The following RPN2 variants were observed in gnomAD, a reference collection of about 807,000 sequenced individuals.
RPN2 encodes ribophorin II.
In RPN2, 29 loss-of-function variants were observed where a neutral mutation model predicts 71.4. That is an observed-to-expected ratio of 0.41 (90% confidence interval 0.30 to 0.55). The LOEUF is 0.55. Among genes scored for constraint, RPN2 ranks in the 20% least tolerant of loss-of-function variants. The pLI is 0.35. For missense variants in RPN2, 726 were observed against 774.1 expected (o/e 0.94, Z 0.74); for synonymous variants, 308 against 305.0 (o/e 1.01, Z -0.10).
At chr20:37,237,971 C>T (rs1478746062) in intron 16 of RPN2, among the ~76,000 whole-genome samples, 4 of 152,124 alleles carry the variant, frequency 2.6e-5, no homozygotes, top group Non-Finnish European at 4.4e-5. Context: ...GCGGGAGGAT[C>T]GCTTGAGCTC....
rs186505977 is a variant in RPN2, at chr20:37,233,589, G to A, written c.1678-431G>A. 1.2e-4 allele frequency among the ~76,000 whole-genome samples: 18 copies of A among 152,288 alleles called. No homozygotes were observed. In the East Asian group the frequency reaches 3.5e-3, roughly 29 times the overall value. On this transcript the variant is annotated intron_variant, in intron 14 of 16. Transcript: ENST00000237530. ...ACCTGTCCTTACATTTCAGTGATGA[G>A]AATTTCAAATGACATGGAACCCACG...
At position 37,198,655 on chromosome 20, in the gene RPN2, A is replaced by T. The variant is rs1055961936; in HGVS notation, c.303+163A>T. On this transcript the variant is annotated intron_variant, in intron 3 of 16. Transcript: ENST00000237530. Reference sequence around the variant, plus strand: ...TTTTTTCCTTAAGAAAGTATAGTTTATGTTTCTCCTAAGTTTTTACTTTTC... The same window carrying T: ...TTTTTTCCTTAAGAAAGTATAGTTTTTGTTTCTCCTAAGTTTTTACTTTTC... Among the ~76,000 whole-genome samples, 54 of 149,010 alleles carry T rather than the reference A, an allele frequency of 3.6e-4. 1 individual carries two copies. The highest frequency in any genetic ancestry group is 6.7e-5 in the Admixed American group (1 of 14,902).
intron 10 of RPN2, among the ~76,000 whole-genome samples, chr20:37,224,904 T>C (rs1481515915): frequency 6.6e-6 from 1 of 152,238 alleles, no homozygotes; most frequent in African/African-American, 2.4e-5. Context: ...ATATTGGAGA[T>C]AAGAGCACTG....
chr20:37,188,388 T>G (rs900275321), intron 2 of RPN2, among the ~76,000 whole-genome samples: 1 of 151,744 alleles, frequency 6.6e-6, no homozygotes, highest in Non-Finnish European at 1.5e-5. Context: ...CTCCTGACCT[T>G]GTGATCTGCC....
intron 1 of RPN2, among the ~76,000 whole-genome samples, chr20:37,183,471 G>A (rs986457728): frequency 3.9e-5 from 6 of 152,176 alleles, no homozygotes; most frequent in African/African-American, 7.2e-5. Flanking sequence ...ACCTGCCTCG[G>A]CCTCCCAAAG....
chr20:37,198,868 A>C (rs2067315493), intron 3 of RPN2, among the ~76,000 whole-genome samples, 182 bp from the exon 4 acceptor site: 1 of 152,156 alleles, frequency 6.6e-6, no homozygotes, highest in African/African-American at 2.4e-5. Flanking sequence ...GCATCTTTTC[A>C]CATGGGAGTG....
intron 4 of RPN2, among the ~76,000 whole-genome samples, chr20:37,199,777 ATAT>A (rs898674861): frequency 5.9e-5 from 9 of 152,190 alleles, no homozygotes; most frequent in African/African-American, 1.9e-4. Context: ...ATAAATGGAA[ATAT>A]TGTAACTTCA....
At position 37,222,490 on chromosome 20, in the gene RPN2, C is replaced by T. The variant is rs139146095; in HGVS notation, c.1093-1388C>T. The stretch of plus-strand genomic sequence containing the variant: ...TTATTACAGAGGCAGGAAAGAAGGC[C>T]GTTAGAAGGAATTACTTGATAGGTA... On this transcript the variant is annotated intron_variant, in intron 9 of 16. Transcript: ENST00000237530. Among the ~76,000 whole-genome samples the T allele has an allele frequency of 4.3e-3, 658 of 152,086 alleles. 5 individuals carry two copies. The highest frequency in any genetic ancestry group is 0.012 in the African/African-American group (517 of 41,504).
In RPN2 at chr20:37,190,632, A is replaced by AT. The variant is rs954009424; in HGVS notation, c.207+6268dup. ...TAGCAGTTGGTACACATTGATTGAC[A>AT]TTTTTTTTTCAGACTGTCATCCTCA... is the stretch of plus-strand genomic sequence containing the variant. On this transcript the variant is annotated intron_variant, in intron 2 of 16. Transcript: ENST00000237530. 8.5e-4 allele frequency among the ~76,000 whole-genome samples: 128 copies of AT among 151,180 alleles called. 1 individual carries two copies. Among genetic ancestry groups the AT allele is most frequent in the African/African-American group, 3.0e-3 (124 of 41,192 alleles).
chr20:37,183,017 G>A (rs1464529251), intron 1 of RPN2, among the ~76,000 whole-genome samples: 5 of 152,142 alleles, frequency 3.3e-5, no homozygotes, highest in South Asian at 4.1e-4. Context: ...GAAATACTGG[G>A]ATGAACAAAA....
chr20:37,213,223 A>G (rs1423094048), intron 8 of RPN2, among the ~76,000 whole-genome samples: 1 of 152,316 alleles, frequency 6.6e-6, no homozygotes, highest in Non-Finnish European at 1.5e-5. Context: ...GTGGAAAGCT[A>G]CCAGGAGTTT....
intron 14 of RPN2, among the ~76,000 whole-genome samples, 159 bp downstream of exon 14, chr20:37,232,550 A>G (rs140101555): frequency 1.2e-3 from 182 of 152,308 alleles, no homozygotes; most frequent in Non-Finnish European, 1.7e-3. Context: ...AGAATGACCA[A>G]AAGTTCCCAC....
At chr20:37,234,587 CA>C (rs1306424559) in intron 15 of RPN2, among the ~76,000 whole-genome samples, 1 of 152,180 alleles carries the variant, frequency 6.6e-6, no homozygotes, top group African/African-American at 2.4e-5. Context: ...CATAACAAGA[CA>C]GTAAATTCAC....
chr20:37,225,604 C>T, intron 10 of RPN2, 84 bp from the exon 11 acceptor site: 2 of 887,998 alleles, frequency 2.3e-6, no homozygotes. Context: ...GTGGTTGAGG[C>T]AATGAAGTGA....
intron 1 of RPN2, among the ~76,000 whole-genome samples, chr20:37,181,912 G>GTTC (rs5841255): frequency 0.82 from 124,149 of 151,720 alleles, 51,476 homozygotes; most frequent in Middle Eastern, 0.93. Context: ...GATAAATAAT[G>GTTC]TTATTTCATG....
At chr20:37,199,342 C>T (rs778993349) in intron 4 of RPN2, 117 bp downstream of exon 4, 22 of 1,305,226 alleles carry the variant, frequency 1.7e-5, no homozygotes, top group South Asian at 3.8e-5. Flanking sequence ...TAAATACTTC[C>T]GTGTGCCAGG....
At position 37,188,663 on chromosome 20, in the gene RPN2, G is replaced by A. The variant is rs150213774; in HGVS notation, c.207+4290G>A. ...GACAAGGCCTCGCTCTGTTGCCCAG[G>A]TTGGAGTGCAGTGGTGCGATCATGG... On this transcript the variant is annotated intron_variant, in intron 2 of 16. Transcript: ENST00000237530. Among the ~76,000 whole-genome samples, 804 of 151,410 alleles carry A rather than the reference G, an allele frequency of 5.3e-3. 7 individuals carry two copies. Among genetic ancestry groups the A allele is most frequent in the African/African-American group, 0.019 (766 of 41,214 alleles).
rs1045490900 is a variant in RPN2 at position 37,205,380 on chromosome 20, C to T, written c.690+479C>T. Among the ~76,000 whole-genome samples the T allele has an allele frequency of 6.6e-5, 10 of 152,140 alleles. No homozygotes were observed. The East Asian group carries it at 1.4e-3, about 21-fold the overall frequency. On this transcript the variant is annotated intron_variant, in intron 6 of 16. Transcript: ENST00000237530. ...GAGGCATGTGTGTCTATCACACATC[C>T]GCCAAGAGTTCATTCTTTTTCTCAA...
intron 9 of RPN2, among the ~76,000 whole-genome samples, chr20:37,217,941 G>T (rs1270264595): frequency 1.3e-5 from 2 of 151,688 alleles, no homozygotes; most frequent in Non-Finnish European, 2.9e-5. Flanking sequence ...TTGCCTTGTT[G>T]GCCAGGCTGG....
Sources: allele counts gnomAD v4.1 joint callset (sites outside exome capture counted in the v4.1 genomes callset), GRCh38; gene constraint gnomAD v4.1.1; transcripts MANE v1.5; gene names NCBI Gene and HGNC (gene_info 2026-07-23, HGNC 2026-07-21).